Variants in PAN3 observed in about 807,000 individuals in gnomAD.
PAN3 encodes poly(A) specific ribonuclease subunit PAN3.
PAN3 carries 19 observed loss-of-function variants against 96.2 expected under a neutral mutation model. The ratio of observed to expected loss-of-function variants is 0.20; its 90% CI spans 0.14 to 0.29. The LOEUF (loss-of-function observed/expected upper bound fraction) is 0.29, where lower values mean the gene tolerates loss of function less well. Among genes scored for constraint, PAN3 ranks in the 10% least tolerant of loss-of-function variants. The pLI, the probability that PAN3 is intolerant of heterozygous loss-of-function variation, is 1.00. For missense variants in PAN3, 882 were observed against 1,108.1 expected (o/e 0.80, Z 2.90); for synonymous variants, 433 against 406.6 (o/e 1.06, Z -0.78).
chr13:28,252,621 T>A (rs768389411), intron 6 of PAN3, among the ~76,000 whole-genome samples: 13 of 152,166 alleles, frequency 8.5e-5, no homozygotes, highest in Non-Finnish European at 1.6e-4. Flanking sequence ...TTGGGTACTT[T>A]TGAGAATCAT....
intron 18 of PAN3, among the ~76,000 whole-genome samples, chr13:28,290,074 C>T (rs1869553415): frequency 6.6e-6 from 1 of 152,194 alleles, no homozygotes; most frequent in African/African-American, 2.4e-5. Context: ...GTTCTATGGC[C>T]TATTTTTTTA....
At chr13:28,140,762 G>A (rs1331960803) in intron 1 of PAN3, among the ~76,000 whole-genome samples, 1 of 151,974 alleles carries the variant, frequency 6.6e-6, no homozygotes, top group African/African-American at 2.4e-5. Context: ...TGTTGTGATG[G>A]GCTTGACTTT....
In PAN3 at chr13:28,268,485, G is replaced by T. The variant is rs149190335; in HGVS notation, c.1792+1084G>T. On this transcript the variant is annotated intron_variant, in intron 12 of 18. Transcript: ENST00000380958. Reference sequence around the variant, plus strand: ...TGTCCCTTTCTAATATATACTTAAAGAATTGTTTTATCATTGAGATTTTGC... The same window carrying T: ...TGTCCCTTTCTAATATATACTTAAATAATTGTTTTATCATTGAGATTTTGC... Among the ~76,000 whole-genome samples the T allele has an allele frequency of 1.4e-3, 206 of 152,130 alleles. 3 individuals carry two copies. The Middle Eastern group carries it at 0.02, about 15-fold the overall frequency.
chr13:28,166,576 C>T (rs942869644), intron 1 of PAN3, among the ~76,000 whole-genome samples: 3 of 152,180 alleles, frequency 2.0e-5, no homozygotes, highest in Non-Finnish European at 2.9e-5. Flanking sequence ...GGCAGTCTTG[C>T]CTTCACAACT....
intron 2 of PAN3, among the ~76,000 whole-genome samples, chr13:28,176,087 A>C (rs543935638): frequency 6.6e-6 from 1 of 152,216 alleles, no homozygotes; most frequent in African/African-American, 2.4e-5. Context: ...TATAAGCTCT[A>C]TAAGGTGTAT....
chr13:28,206,315 C>CT (rs71086837), intron 5 of PAN3, among the ~76,000 whole-genome samples: 13,718 of 94,544 alleles, frequency 0.15, 1,703 homozygotes, highest in Non-Finnish European at 0.18. Context: ...GTCTAACTGA[C>CT]TTTTTTTTTT....
rs528062756 is a variant in PAN3, at chr13:28,241,180, T to C, written c.1001-15112T>C. Among the ~76,000 whole-genome samples the C allele has an allele frequency of 4.3e-4, 65 of 152,162 alleles. No individual in the cohort carries two copies. In the South Asian group the frequency reaches 7.9e-3, roughly 18 times the overall value. ...GGAGGCTGAGGCAGTATATGATTGC[T>C]TGAGCCTGGGAAGTTGAGGCTTCAG... is the stretch of plus-strand genomic sequence containing the variant. On this transcript the variant is annotated intron_variant, in intron 6 of 18. Transcript: ENST00000380958.
chr13:28,244,751 CTT>C (rs1593548785), intron 6 of PAN3, among the ~76,000 whole-genome samples: 1 of 8,790 alleles, frequency 1.1e-4, no homozygotes, highest in Non-Finnish European at 2.1e-4. Context: ...AATTGTTTTT[CTT>C]TTCTTCAGTA....
intron 6 of PAN3, among the ~76,000 whole-genome samples, chr13:28,243,497 A>G (rs1041021284): frequency 2.0e-5 from 3 of 152,356 alleles, no homozygotes; most frequent in South Asian, 4.1e-4. Context: ...TGCCATTATC[A>G]TAATGAAAAT....
rs530540140 is a variant in PAN3 at position 28,217,749 on chromosome 13, T to C, written c.853-2482T>C. Among the ~76,000 whole-genome samples, 13 of 152,290 alleles carry C rather than the reference T, an allele frequency of 8.5e-5. No individual in the cohort carries two copies. The South Asian group carries it at 2.7e-3, about 32-fold the overall frequency. The stretch of plus-strand genomic sequence containing the variant: ...GAATATAAATGAGTGCATATCTGTA[T>C]ATTTTACAGAAACCAAAAATTTAAT... On this transcript the variant is annotated intron_variant, in intron 5 of 18. Transcript: ENST00000380958.
At chr13:28,252,286 G>A (rs912776574) in intron 6 of PAN3, among the ~76,000 whole-genome samples, 4 of 150,874 alleles carry the variant, frequency 2.7e-5, no homozygotes, top group African/African-American at 9.8e-5. Context: ...ATTGGTAGGG[G>A]TTGAGGGAGG....
At chr13:28,217,645 T>G (rs1307899032) in intron 5 of PAN3, among the ~76,000 whole-genome samples, 1 of 151,962 alleles carries the variant, frequency 6.6e-6, no homozygotes, top group Non-Finnish European at 1.5e-5. Context: ...AATCTTAGAC[T>G]ATTGAATGAA....
At chr13:28,190,090 C>T (rs997733927) in intron 4 of PAN3, among the ~76,000 whole-genome samples, 4 of 152,210 alleles carry the variant, frequency 2.6e-5, no homozygotes, top group East Asian at 1.9e-4. Context: ...ATTATAGGCG[C>T]GTACCACCAC....
intron 7 of PAN3, among the ~76,000 whole-genome samples, chr13:28,259,654 T>C (rs1046136450): frequency 6.6e-6 from 1 of 152,042 alleles, no homozygotes; most frequent in East Asian, 1.9e-4. Flanking sequence ...TATTTATTTA[T>C]TGAGACGGGG....
intron 1 of PAN3, among the ~76,000 whole-genome samples, chr13:28,158,959 G>A (rs556332410): frequency 6.6e-6 from 1 of 151,630 alleles, no homozygotes; most frequent in East Asian, 1.9e-4. Context: ...TCTCATACCA[G>A]TCAGAATGAT....
chr13:28,210,302 T>C (rs1263885688), intron 5 of PAN3, among the ~76,000 whole-genome samples: 2 of 152,202 alleles, frequency 1.3e-5, no homozygotes, highest in Admixed American at 1.3e-4. Flanking sequence ...CATTCTAATG[T>C]AAAGCTTGTT....
Position 28,167,653 on chromosome 13 carries a change from ATGG to A in PAN3, c.431-6616_431-6614del, listed in dbSNP as rs1193777634. ...AGAGTTCAAGACCAGGCTGGGCAAT[ATGG>A]TGAAACCCTGTCTCTACAAAAAAAA... On this transcript the variant is annotated intron_variant, in intron 1 of 18. Coordinates refer to ENST00000380958, the MANE Select transcript of PAN3 (RefSeq NM_175854.8). 1.6e-4 allele frequency among the ~76,000 whole-genome samples: 22 copies of A among 136,754 alleles called. No homozygotes were observed. In the Admixed American group the frequency reaches 1.7e-3, roughly 11 times the overall value. The allele number at this position is 136,754 out of a possible 152,430, so 89.7% of individuals were successfully genotyped here. A position where few individuals can be genotyped will look rare whatever the true frequency, so the allele number is the denominator to read the frequency against.
At chr13:28,142,555 T>C (rs1870005441) in intron 1 of PAN3, among the ~76,000 whole-genome samples, 2 of 145,786 alleles carry the variant, frequency 1.4e-5, no homozygotes, top group South Asian at 4.3e-4. Flanking sequence ...AGGCACTGGC[T>C]ACCAAGCACC....
chr13:28,258,196 A>T (rs781154781), intron 7 of PAN3, among the ~76,000 whole-genome samples: 1 of 152,226 alleles, frequency 6.6e-6, no homozygotes, highest in Non-Finnish European at 1.5e-5. Context: ...AGGCTAAAGG[A>T]AACCTTACAA....
Sources: gnomAD v4.1 joint callset for allele counts (sites outside exome capture counted in the v4.1 genomes callset) on GRCh38, gnomAD v4.1.1 for gene constraint, MANE v1.5 for transcripts, NCBI Gene and HGNC (gene_info 2026-07-23, HGNC 2026-07-21) for gene names.